Variants in SUN1 observed in about 807,000 individuals in gnomAD.
SUN1 encodes the protein SUN domain-containing protein 1.
In SUN1, 61 loss-of-function variants were observed where a neutral mutation model predicts 103.2. That is an observed-to-expected ratio of 0.59 (90% confidence interval 0.48 to 0.73). SUN1 has a LOEUF of 0.73. Ranked by LOEUF, SUN1 falls within the 30% of genes least tolerant of loss-of-function variation. SUN1 has a pLI of 0.00. For missense variants in SUN1, 1,052 were observed against 1,034.6 expected (o/e 1.02, Z -0.23); for synonymous variants, 490 against 425.7 (o/e 1.15, Z -1.86).
chr7:872,752 C>A (rs1426883343), intron 18 of SUN1, among the ~76,000 whole-genome samples, 190 bp downstream of exon 18: 1 of 152,216 alleles, frequency 6.6e-6, no homozygotes, highest in Non-Finnish European at 1.5e-5. Flanking sequence ...TTTACCCGTG[C>A]TTCATGCCCT....
intron 17 of SUN1, among the ~76,000 whole-genome samples, chr7:871,564 GT>G (rs1378771673): frequency 1.3e-5 from 2 of 152,106 alleles, no homozygotes; most frequent in Non-Finnish European, 2.9e-5. Flanking sequence ...ACTTTTTGTA[GT>G]TTTTAGTAGA....
intron 15 of SUN1, among the ~76,000 whole-genome samples, chr7:862,895 T>C (rs1406344395): frequency 6.6e-6 from 1 of 152,200 alleles, no homozygotes; most frequent in East Asian, 1.9e-4. Flanking sequence ...CTCACGTCTG[T>C]AATCCCAGCA....
intron 12 of SUN1, among the ~76,000 whole-genome samples, chr7:857,022 T>C (rs1228704821): frequency 3.3e-5 from 5 of 152,182 alleles, no homozygotes; most frequent in African/African-American, 1.2e-4. Flanking sequence ...TCAGGGCGGC[T>C]TTCTTCCACA....
chr7:871,634 CA>C (rs1841781261), intron 17 of SUN1, among the ~76,000 whole-genome samples: 1 of 152,176 alleles, frequency 6.6e-6, no homozygotes. Flanking sequence ...CTGATCCACC[CA>C]CCTCGGCCTC....
At chr7:843,785 G>A (rs1475760495) in intron 5 of SUN1, 34 of 1,421,608 alleles carry the variant, frequency 2.4e-5, no homozygotes, top group South Asian at 4.8e-5. Context: ...CTACGTAAGC[G>A]AAACTAATAA....
chr7:840,745 C>T (rs1340266896), intron 2 of SUN1, among the ~76,000 whole-genome samples: 1 of 151,364 alleles, frequency 6.6e-6, no homozygotes, highest in Non-Finnish European at 1.5e-5. Context: ...GGGTTCACGC[C>T]ATTCTCCTGC....
At chr7:863,578 G>T (rs980563099) in intron 15 of SUN1, among the ~76,000 whole-genome samples, 3 of 152,136 alleles carry the variant, frequency 2.0e-5, no homozygotes, top group African/African-American at 7.2e-5. Flanking sequence ...CATATTCGCG[G>T]TGCAGCCATC....
At position 844,810 on chromosome 7, in the gene SUN1, G is replaced by C. The variant is rs185494640; in HGVS notation, c.658+1290G>C. On this transcript the variant is annotated intron_variant, in intron 5 of 18. Coordinates refer to ENST00000401592, the MANE Select transcript of SUN1 (RefSeq NM_001130965.3). ...AACTGGGGCTTAGCCAGCTCAGGAG[G>C]CTCGCAGGTAGGTGGGGGAGCCTGG... Among the ~76,000 whole-genome samples, 426 of 152,244 alleles carry C rather than the reference G, an allele frequency of 2.8e-3. 3 individuals are homozygous for C. Among genetic ancestry groups the C allele is most frequent in the African/African-American group, 9.2e-3 (383 of 41,536 alleles).
chr7:852,754 C>T (rs1375494690), intron 8 of SUN1, 56 bp from the exon 9 acceptor site: 1 of 1,612,458 alleles, frequency 6.2e-7, no homozygotes, highest in African/African-American at 1.3e-5. Context: ...GCGTGTAAGT[C>T]CATGTTTTGA....
rs1465729615 is a variant in SUN1, at chr7:873,268, C to T, written c.2295C>T (p.Asn765=). Residue 765 remains asparagine, a synonymous_variant, in exon 19 of 19, where the codon AAC becomes AAT. Transcript: ENST00000401592. Reference sequence around the variant, plus strand: ...TAGTGGAACTTCGGATTTTTTCTAACTGGGGCCATCCTGAGTATACCTGTC... The same window carrying T: ...TAGTGGAACTTCGGATTTTTTCTAATTGGGGCCATCCTGAGTATACCTGTC... ...FQIVELRIFS[N]WGHPEYTCLY... is the part of the protein sequence containing the mutation. 1 of 1,614,216 alleles carries T rather than the reference C, an allele frequency of 6.2e-7. No individual in the cohort carries two copies. Among genetic ancestry groups the T allele is most frequent in the African/African-American group, 1.3e-5 (1 of 75,056 alleles).
intron 10 of SUN1, 150 bp downstream of exon 10, chr7:853,768 C>T (rs1824388687): frequency 3.4e-6 from 3 of 885,176 alleles, no homozygotes; most frequent in Admixed American, 2.7e-5. Flanking sequence ...GAGCAGTGTG[C>T]CGGAGAGGGA....
chr7:821,059 C>G, intron 1 of SUN1, among the ~76,000 whole-genome samples: 1 of 151,588 alleles, frequency 6.6e-6, no homozygotes, highest in African/African-American at 2.4e-5. Context: ...TCTTTTCTCC[C>G]TTTCATTTTG....
chr7:844,932 C>T (rs993551356), intron 5 of SUN1, among the ~76,000 whole-genome samples: 9 of 152,144 alleles, frequency 5.9e-5, no homozygotes, highest in Admixed American at 2.0e-4. Flanking sequence ...GCACGTGAGC[C>T]GTGGCGTAGC....
At chr7:872,705 G>A (rs1275199129) in intron 18 of SUN1, 143 bp downstream of exon 18, 1 of 655,902 alleles carries the variant, frequency 1.5e-6, no homozygotes, top group South Asian at 1.9e-5. Flanking sequence ...CTGGCTCTGC[G>A]TTAATGAGCC....
At chr7:866,373 G>A (rs1836578908) in intron 16 of SUN1, among the ~76,000 whole-genome samples, 1 of 152,158 alleles carries the variant, frequency 6.6e-6, no homozygotes, top group African/African-American at 2.4e-5. Context: ...AGTGGCAGCT[G>A]TTCCTGCTCG....
chr7:851,550 T>TGA (rs1822170034), intron 6 of SUN1, 68 bp downstream of exon 6: 11 of 1,347,120 alleles, frequency 8.2e-6, no homozygotes, highest in Non-Finnish European at 9.3e-6. Flanking sequence ...CTGCACTCGA[T>TGA]TTACCTAACC....
intron 3 of SUN1, 28 bp downstream of exon 3, chr7:842,158 C>A: frequency 6.2e-7 from 1 of 1,601,928 alleles, no homozygotes; most frequent in Non-Finnish European, 8.5e-7. Flanking sequence ...ACAGATTGTC[C>A]CGCCTACAGT....
chr7:867,863 G>A (rs1361336792), intron 16 of SUN1, among the ~76,000 whole-genome samples: 1 of 152,230 alleles, frequency 6.6e-6, no homozygotes, highest in Non-Finnish European at 1.5e-5. Context: ...GCCACACGGT[G>A]GAATGTACCA....
chr7:860,305 G>A lies in SUN1; in HGVS notation c.1702G>A (p.Val568Met), dbSNP rs537139636. 24 of 1,614,248 alleles carry A rather than the reference G, an allele frequency of 1.5e-5. No homozygotes were observed. The Middle Eastern group carries it at 8.2e-4, about 55-fold the overall frequency. The stretch of plus-strand genomic sequence containing the variant: ...GCGGAACGTCACCCACCACGTTTCC[G>A]TGACCAAGCAGCTCCCAACCTCAGA... ...ILRNVTHHVSVTKQLPTSEAV... is the reference protein window; with the variant it reads ...ILRNVTHHVSMTKQLPTSEAV... The change falls in exon 14 of 19, where the codon GTG (valine) becomes ATG (methionine). Residue 568 changes from valine (V) to methionine (M), a missense_variant. By Grantham distance (21) the Val-to-Met change is conservative (BLOSUM62 1). This residue lies in a region of SUN1 where 846 missense variants were observed against 774.5 expected (regional missense o/e 1.09). Transcript: ENST00000401592.
Sources: allele counts gnomAD v4.1 joint callset (sites outside exome capture counted in the v4.1 genomes callset), GRCh38; gene constraint gnomAD v4.1.1; regional missense constraint gnomAD v4.1.1; transcripts MANE v1.5; gene names NCBI Gene and HGNC (gene_info 2026-07-23, HGNC 2026-07-21).